Variants in CDC42BPA observed in about 807,000 individuals in gnomAD.
The protein encoded by CDC42BPA is serine/threonine-protein kinase MRCK alpha.
A neutral mutation model predicts 223.5 loss-of-function variants in CDC42BPA; 80 were observed. That is an observed-to-expected ratio of 0.36 (90% CI 0.30 to 0.43). The LOEUF is 0.43. CDC42BPA is among the 20% of genes least tolerant of loss of function. The pLI is 1.00. For synonymous variants in CDC42BPA, 694 were observed against 718.6 expected (o/e 0.97, Z 0.55); for missense variants, 1,743 against 2,099.9 (o/e 0.83, Z 3.32).
At chr1:227,229,214 C>A (rs537347955) in intron 2 of CDC42BPA, among the ~76,000 whole-genome samples, 65 of 151,982 alleles carry the variant, frequency 4.3e-4, no homozygotes, top group African/African-American at 1.6e-3. Context: ...AAGTAGAGTC[C>A]AACTTCATTC....
At chr1:227,113,905 T>C (rs189319934) in intron 12 of CDC42BPA, among the ~76,000 whole-genome samples, 84 of 149,322 alleles carry the variant, frequency 5.6e-4, no homozygotes, top group African/African-American at 2.1e-3. Context: ...TATGCACCTA[T>C]AGTCGTAGCT....
intron 1 of CDC42BPA, among the ~76,000 whole-genome samples, chr1:227,312,743 G>T (rs1278728906): frequency 1.3e-5 from 2 of 152,160 alleles, no homozygotes; most frequent in African/African-American, 4.8e-5. Context: ...CCCAGTGTTG[G>T]AGGAGGGACC....
At chr1:227,203,098 A>C (rs1460680741) in intron 3 of CDC42BPA, among the ~76,000 whole-genome samples, 1 of 152,072 alleles carries the variant, frequency 6.6e-6, no homozygotes, top group Admixed American at 6.6e-5. Flanking sequence ...ACCCTCACCT[A>C]CTTACTACCA....
At chr1:227,102,612 A>G (rs1685235719) in intron 14 of CDC42BPA, among the ~76,000 whole-genome samples, 1 of 152,140 alleles carries the variant, frequency 6.6e-6, no homozygotes, top group Non-Finnish European at 1.5e-5. Context: ...TGAAATCAAA[A>G]CCTAACAAAG....
intron 11 of CDC42BPA, among the ~76,000 whole-genome samples, chr1:227,124,077 T>C (rs1689124403): frequency 6.6e-6 from 1 of 152,164 alleles, no homozygotes; most frequent in Admixed American, 6.5e-5. Flanking sequence ...CTGCAGATAC[T>C]CAACAAATAT....
intron 6 of CDC42BPA, among the ~76,000 whole-genome samples, chr1:227,148,114 GA>G (rs1661021996): frequency 6.6e-6 from 1 of 151,992 alleles, no homozygotes; most frequent in African/African-American, 2.4e-5. Context: ...TTCCAATAGA[GA>G]AAAAAAGTTG....
intron 6 of CDC42BPA, among the ~76,000 whole-genome samples, chr1:227,148,067 A>C (rs1333308692): frequency 2.0e-5 from 3 of 152,210 alleles, no homozygotes; most frequent in Non-Finnish European, 2.9e-5. Context: ...AATTTAAAAA[A>C]CTATAAAAGA....
At chr1:227,077,017 A>T (rs529999624) in intron 17 of CDC42BPA, among the ~76,000 whole-genome samples, 1 of 152,342 alleles carries the variant, frequency 6.6e-6, no homozygotes, top group South Asian at 2.1e-4. Context: ...CTCTTGGCAC[A>T]TTTAATCCTT....
At position 227,072,233 on chromosome 1, in the gene CDC42BPA, G is replaced by A. The variant is rs1482579928; in HGVS notation, c.2802C>T (p.Asp934=). ...LLSEIEQLIK[D]TEELRSEKGI... Reference sequence around the variant, plus strand: ...CCTTTTCAGATCTAAGCTCTTCAGTGTCCTTTATCAGCTGTTCGATTTCTG... The same window carrying A: ...CCTTTTCAGATCTAAGCTCTTCAGTATCCTTTATCAGCTGTTCGATTTCTG... The change falls in exon 20 of 37, where the codon GAC becomes GAT. Residue 934 remains aspartate (D), a synonymous_variant. Transcript: ENST00000366766. The A allele has an allele frequency of 3.1e-6, 5 of 1,606,090 alleles. No individual in the cohort carries two copies. In the African/African-American group the frequency reaches 4.0e-5, roughly 13 times the overall value.
intron 35 of CDC42BPA, among the ~76,000 whole-genome samples, chr1:226,999,044 A>G (rs947706815): frequency 2.6e-5 from 4 of 152,242 alleles, no homozygotes; most frequent in Middle Eastern, 3.2e-3. Flanking sequence ...TACAAAAAAA[A>G]GCTCATCATC....
chr1:227,280,146 T>C (rs1364308104), intron 1 of CDC42BPA, among the ~76,000 whole-genome samples: 1 of 152,214 alleles, frequency 6.6e-6, no homozygotes, highest in Admixed American at 6.5e-5. Flanking sequence ...AGAATAAGTC[T>C]GACTTTAATT....
intron 1 of CDC42BPA, among the ~76,000 whole-genome samples, chr1:227,293,391 A>T (rs1352096543): frequency 6.6e-6 from 1 of 152,206 alleles, no homozygotes; most frequent in African/African-American, 2.4e-5. Flanking sequence ...TAAATCCTCA[A>T]GCTTACAGAA....
intron 1 of CDC42BPA, among the ~76,000 whole-genome samples, chr1:227,310,835 C>T (rs545266104): frequency 7.4e-5 from 11 of 149,454 alleles, no homozygotes; most frequent in Admixed American, 4.0e-4. Context: ...TACAGGCACC[C>T]GTCACCGCGC....
intron 1 of CDC42BPA, among the ~76,000 whole-genome samples, chr1:227,315,564 A>G (rs899275114): frequency 6.7e-6 from 1 of 148,484 alleles, no homozygotes; most frequent in Non-Finnish European, 1.5e-5. Context: ...AAAGTACCAA[A>G]ACCCTTTAAG....
chr1:227,230,035 C>T (rs1677534497), intron 2 of CDC42BPA, among the ~76,000 whole-genome samples: 1 of 152,152 alleles, frequency 6.6e-6, no homozygotes, highest in Non-Finnish European at 1.5e-5. Context: ...AGGTGATAGG[C>T]CTTCAAGGAT....
Position 226,994,222 on chromosome 1 carries a change from C to A in CDC42BPA, c.*46G>T, listed in dbSNP as rs3795451. The A allele has an allele frequency of 4.6e-6, 7 of 1,537,622 alleles. No homozygotes were observed. The South Asian group carries it at 4.8e-5, about 11-fold the overall frequency. On this transcript the variant is annotated 3_prime_UTR_variant, in exon 37 of 37. Coordinates refer to ENST00000366766, the MANE Select transcript of CDC42BPA (RefSeq NM_001394014.1). This position sits in a 1 kb window ranked among gnomAD's most constrained non-coding sequence, Gnocchi z 4.0. The stretch of plus-strand genomic sequence containing the variant: ...GGGAAGAGATGAAAGTGAGAGGAGG[C>A]GAGTGGCAGGGAGCGGAGAGCGAGA...
rs34719872 is a variant in CDC42BPA, at chr1:226,999,179, C to CTT, written c.4976-4201_4976-4200dup. Among the ~76,000 whole-genome samples the CTT allele has an allele frequency of 1.2e-3, 172 of 144,024 alleles. 1 individual carries two copies. The highest frequency in any genetic ancestry group is 1.7e-3 in the Admixed American group (24 of 14,498). The allele number at this position is 144,024 out of a possible 152,430, so 94.5% of individuals were successfully genotyped here. ...GAGAGGATGTGGAGAAATAGGAACACTTTTTTTTTTTTTTTGAGACACAGC... is the reference window on the plus strand; with the variant it reads ...GAGAGGATGTGGAGAAATAGGAACACTTTTTTTTTTTTTTTTTGAGACACAGC... On this transcript the variant is annotated intron_variant, in intron 35 of 36. Transcript: ENST00000366766.
intron 1 of CDC42BPA, among the ~76,000 whole-genome samples, chr1:227,277,051 A>T (rs1687213141): frequency 6.6e-6 from 1 of 151,306 alleles, no homozygotes; most frequent in African/African-American, 2.4e-5. Flanking sequence ...CCTCTCCGAG[A>T]AACACCCAAG....
intron 1 of CDC42BPA, among the ~76,000 whole-genome samples, chr1:227,260,796 T>A (rs929216279): frequency 6.6e-6 from 1 of 150,872 alleles, no homozygotes; most frequent in African/African-American, 2.5e-5. Flanking sequence ...TGCAATGGAA[T>A]AACATAAGAA....
Sources: gnomAD v4.1 joint callset for allele counts (sites outside exome capture counted in the v4.1 genomes callset) on GRCh38, gnomAD v4.1.1 for gene constraint, Gnocchi (gnomAD v3.1) non-coding constraint, MANE v1.5 for transcripts, NCBI Gene and HGNC (gene_info 2026-07-23, HGNC 2026-07-21) for gene names.